GNAQ: variants seen among roughly 807,000 people sequenced by gnomAD.
GNAQ encodes G protein subunit alpha q.
A neutral mutation model predicts 43.9 loss-of-function variants in GNAQ; 8 were observed. The observed-to-expected ratio is 0.18, with a 90% confidence interval of 0.11 to 0.33. The LOEUF (loss-of-function observed/expected upper bound fraction) is 0.33, where lower values mean the gene tolerates loss of function less well. GNAQ is among the 10% of genes least tolerant of loss of function. The pLI, the probability that GNAQ is intolerant of heterozygous loss-of-function variation, is 1.00. For missense variants in GNAQ, 158 were observed against 450.8 expected (o/e 0.35, Z 5.88); for synonymous variants, 155 against 170.7 (o/e 0.91, Z 0.71).
At chr9:77,740,747 T>C (rs751883126) in intron 5 of GNAQ, among the ~76,000 whole-genome samples, 6 of 152,238 alleles carry the variant, frequency 3.9e-5, no homozygotes, top group African/African-American at 7.2e-5. Flanking sequence ...TTTTTGGCTA[T>C]ATGAATGTTA....
At chr9:78,011,945 G>C (rs1231471943) in intron 1 of GNAQ, among the ~76,000 whole-genome samples, 2 of 152,168 alleles carry the variant, frequency 1.3e-5, no homozygotes, top group African/African-American at 4.8e-5. Context: ...TATAGAGATG[G>C]AGTGGGTTCA....
intron 3 of GNAQ, among the ~76,000 whole-genome samples, chr9:77,800,156 T>A (rs561571617): frequency 6.6e-6 from 1 of 151,910 alleles, no homozygotes; most frequent in Non-Finnish European, 1.5e-5. Flanking sequence ...ATTGTGGAAG[T>A]CAGTGTGGCG....
intron 3 of GNAQ, among the ~76,000 whole-genome samples, chr9:77,800,706 TATA>T (rs1490370093): frequency 1.3e-5 from 2 of 151,968 alleles, no homozygotes; most frequent in Admixed American, 6.6e-5. Flanking sequence ...AAACTTAAAG[TATA>T]ATAATAAATA....
At chr9:77,966,750 C>T (rs916883853) in intron 1 of GNAQ, among the ~76,000 whole-genome samples, 23 of 152,088 alleles carry the variant, frequency 1.5e-4, no homozygotes, top group African/African-American at 5.6e-4. Flanking sequence ...TCTGTGACTA[C>T]CAAATCGCTT....
intron 2 of GNAQ, among the ~76,000 whole-genome samples, chr9:77,869,535 T>C (rs1260008847): frequency 6.6e-6 from 1 of 152,236 alleles, no homozygotes; most frequent in African/African-American, 2.4e-5. Flanking sequence ...CCATATTTGC[T>C]ATATATAAAT....
chr9:77,830,161 C>T (rs559230686), intron 2 of GNAQ, among the ~76,000 whole-genome samples: 33 of 152,196 alleles, frequency 2.2e-4, no homozygotes, highest in Non-Finnish European at 4.1e-4. Context: ...CCTAGATTCC[C>T]AGGCTGGTCG....
chr9:77,776,291 T>C (rs1057184403), intron 5 of GNAQ, among the ~76,000 whole-genome samples: 13 of 152,152 alleles, frequency 8.5e-5, no homozygotes, highest in Admixed American at 5.9e-4. Context: ...TAGACAGAGA[T>C]AGGCAAAATG....
intron 1 of GNAQ, among the ~76,000 whole-genome samples, chr9:77,929,709 C>T (rs1247624642): frequency 2.0e-5 from 3 of 152,090 alleles, no homozygotes; most frequent in African/African-American, 7.2e-5. Flanking sequence ...GTGATGTGCG[C>T]CTGTAGTTCC....
At chr9:77,892,364 A>G (rs1272605324) in intron 2 of GNAQ, among the ~76,000 whole-genome samples, 2 of 152,212 alleles carry the variant, frequency 1.3e-5, no homozygotes, top group Non-Finnish European at 2.9e-5. Context: ...AGCTCTGCCC[A>G]CAACCACTGC....
intron 6 of GNAQ, among the ~76,000 whole-genome samples, chr9:77,725,273 G>A (rs1400198041): frequency 6.6e-6 from 1 of 152,108 alleles, no homozygotes; most frequent in African/African-American, 2.4e-5. Context: ...TGCAATTCAA[G>A]TCCATGTGGA....
intron 2 of GNAQ, among the ~76,000 whole-genome samples, chr9:77,877,636 C>G (rs991981241): frequency 1.3e-5 from 2 of 152,162 alleles, no homozygotes; most frequent in African/African-American, 2.4e-5. Flanking sequence ...TACTGACTTT[C>G]ACGTACAAGT....
intron 3 of GNAQ, among the ~76,000 whole-genome samples, chr9:77,798,491 C>T (rs539937281): frequency 6.6e-6 from 1 of 152,156 alleles, no homozygotes; most frequent in Non-Finnish European, 1.5e-5. Context: ...AACTACAGAC[C>T]TTACTGAATT....
At chr9:77,912,963 C>T (rs145700254) in intron 2 of GNAQ, among the ~76,000 whole-genome samples, 637 of 152,104 alleles carry the variant, frequency 4.2e-3, no homozygotes, top group Non-Finnish European at 7.3e-3. Flanking sequence ...TAGCTGAGAC[C>T]CAGTCTCAAA....
chr9:77,724,351 C>T (rs1825365005), intron 6 of GNAQ, among the ~76,000 whole-genome samples: 1 of 152,060 alleles, frequency 6.6e-6, no homozygotes, highest in Non-Finnish European at 1.5e-5. Flanking sequence ...ACCACCATGC[C>T]CAGCTAATTT....
At position 77,846,019 on chromosome 9, in the gene GNAQ, T is replaced by C. The variant is rs535337929; in HGVS notation, c.322-30249A>G. Among the ~76,000 whole-genome samples, 26 of 152,302 alleles carry C rather than the reference T, an allele frequency of 1.7e-4. No homozygotes were observed. The South Asian group carries it at 5.2e-3, about 30-fold the overall frequency. On this transcript the variant is annotated intron_variant, in intron 2 of 6. Coordinates refer to ENST00000286548, the MANE Select transcript of GNAQ (RefSeq NM_002072.5). ...TCTAGCTGAGCACTGCATTCATGTG[T>C]ATTATCCTTGAGGAAACGAGGCACA...
intron 5 of GNAQ, among the ~76,000 whole-genome samples, chr9:77,748,430 T>C (rs1825762912): frequency 6.6e-6 from 1 of 152,230 alleles, no homozygotes; most frequent in Non-Finnish European, 1.5e-5. Context: ...CCTCCCCTGA[T>C]GCTCCCAATT....
chr9:77,900,832 C>A (rs1434753501), intron 2 of GNAQ, among the ~76,000 whole-genome samples: 4 of 152,168 alleles, frequency 2.6e-5, no homozygotes, highest in Non-Finnish European at 5.9e-5. Context: ...CCGCCTTCTT[C>A]TCAAAACCTT....
intron 1 of GNAQ, among the ~76,000 whole-genome samples, chr9:78,015,989 A>C (rs1823833325): frequency 6.6e-6 from 1 of 152,202 alleles, no homozygotes; most frequent in Admixed American, 6.5e-5. Context: ...AAGAATGTCA[A>C]GACAACTCAA....
chr9:77,818,082 A>C (rs1450705358), intron 2 of GNAQ, among the ~76,000 whole-genome samples: 1 of 152,228 alleles, frequency 6.6e-6, no homozygotes, highest in Non-Finnish European at 1.5e-5. Context: ...AATTCAAATT[A>C]ACCTCTACAG....
Sources: gnomAD v4.1 joint callset for allele counts (sites outside exome capture counted in the v4.1 genomes callset) on GRCh38, gnomAD v4.1.1 for gene constraint, MANE v1.5 for transcripts, NCBI Gene and HGNC (gene_info 2026-07-23, HGNC 2026-07-21) for gene names.